CTNNA3: variants seen among roughly 807,000 people sequenced by gnomAD.
CTNNA3 encodes the protein catenin alpha-3.
In CTNNA3, 76 loss-of-function variants were observed where a neutral mutation model predicts 95.7. The observed-to-expected ratio is 0.79, with a 90% CI of 0.66 to 0.96. The LOEUF is 0.96. Ranked by LOEUF, CTNNA3 falls within the 40% of genes least tolerant of loss-of-function variation. CTNNA3 has a pLI of 0.00. For missense variants in CTNNA3, 1,191 were observed against 1,089.8 expected (o/e 1.09, Z -1.31); for synonymous variants, 431 against 374.4 (o/e 1.15, Z -1.74).
At chr10:67,039,452 CAT>C (rs1854265075) in intron 7 of CTNNA3, among the ~76,000 whole-genome samples, 1 of 152,104 alleles carries the variant, frequency 6.6e-6, no homozygotes, top group Non-Finnish European at 1.5e-5. Context: ...TCAAATGAAG[CAT>C]ATGTTGTCAA....
At chr10:67,135,453 A>C (rs1205448440) in intron 7 of CTNNA3, among the ~76,000 whole-genome samples, 2 of 152,158 alleles carry the variant, frequency 1.3e-5, no homozygotes, top group Admixed American at 6.5e-5. Flanking sequence ...GGTTGAAAGG[A>C]TTGTTTCAAG....
At chr10:67,447,923 T>C (rs529666379) in intron 5 of CTNNA3, among the ~76,000 whole-genome samples, 66 of 152,198 alleles carry the variant, frequency 4.3e-4, no homozygotes, top group Non-Finnish European at 8.5e-4. Context: ...TTGTTAATTA[T>C]ACAAAGCAAA....
chr10:66,934,183 A>T (rs1847564306), intron 7 of CTNNA3, among the ~76,000 whole-genome samples: 1 of 152,190 alleles, frequency 6.6e-6, no homozygotes, highest in Non-Finnish European at 1.5e-5. Context: ...TTTTATTGAA[A>T]AAAAAGAAAA....
chr10:66,480,796 G>T (rs150735028), intron 11 of CTNNA3, among the ~76,000 whole-genome samples: 2,311 of 151,976 alleles, frequency 0.015, 49 homozygotes, highest in African/African-American at 0.053. Context: ...TAGTAGAGAT[G>T]GGGTTTCACT....
At chr10:65,944,886 A>ATCTATCTATCTATCTATCTATCTATCTT (rs1380295124) in intron 17 of CTNNA3, among the ~76,000 whole-genome samples, 81 of 138,294 alleles carry the variant, frequency 5.9e-4, no homozygotes, top group African/African-American at 1.9e-3. Context: ...CTATCTATCT[A>ATCTATCTATCTATCTATCTATCTATCTT]TCTATCTATC....
chr10:67,282,655 T>C (rs1329219117), intron 5 of CTNNA3, among the ~76,000 whole-genome samples: 1 of 152,300 alleles, frequency 6.6e-6, no homozygotes, highest in Non-Finnish European at 1.5e-5. Flanking sequence ...GTCTCAGGGG[T>C]ATGGAGCTTT....
intron 5 of CTNNA3, among the ~76,000 whole-genome samples, chr10:67,504,309 C>T (rs1311036611): frequency 2.0e-5 from 3 of 148,568 alleles, no homozygotes; most frequent in East Asian, 2.0e-4. Context: ...AAAAATTGGC[C>T]GGGCGTGATG....
At position 67,518,828 on chromosome 10, in the gene CTNNA3, C is replaced by G. The variant is rs16924556; in HGVS notation, c.579+3014G>C. ...TTGTTATTACCATTCCTATGTCACA[C>G]CAACTAGAAGGATGAAAACCAAGTA... is the stretch of plus-strand genomic sequence containing the variant. On this transcript the variant is annotated intron_variant, in intron 5 of 17. Coordinates refer to ENST00000433211, the MANE Select transcript of CTNNA3 (RefSeq NM_013266.4). Among the ~76,000 whole-genome samples the G allele has an allele frequency of 2.6e-3, 402 of 152,148 alleles. 7 individuals are homozygous for G. Among genetic ancestry groups the G allele is most frequent in the Admixed American group, 0.021 (323 of 15,262 alleles).
intron 7 of CTNNA3, among the ~76,000 whole-genome samples, chr10:66,966,472 G>A (rs1449220881): frequency 3.3e-5 from 4 of 119,848 alleles, no homozygotes; most frequent in South Asian, 3.5e-4. Flanking sequence ...GGGTTAACTC[G>A]GCTATGTAAT....
intron 5 of CTNNA3, among the ~76,000 whole-genome samples, chr10:67,479,168 G>A (rs538528815): frequency 1.2e-4 from 18 of 152,110 alleles, no homozygotes; most frequent in Admixed American, 1.3e-4. Flanking sequence ...CTTCAACATC[G>A]CACTGACAAA....
intron 15 of CTNNA3, among the ~76,000 whole-genome samples, chr10:65,994,393 A>T (rs188915654): frequency 3.7e-4 from 56 of 151,394 alleles, no homozygotes; most frequent in Middle Eastern, 3.4e-3. Flanking sequence ...TAGCTGAAGG[A>T]TCAATTTTGC....
chr10:66,438,145 G>A (rs562144273), intron 11 of CTNNA3, among the ~76,000 whole-genome samples: 2 of 152,316 alleles, frequency 1.3e-5, no homozygotes, highest in African/African-American at 4.8e-5. Context: ...CCCCTGCTGG[G>A]AGGTGTTTCC....
intron 9 of CTNNA3, among the ~76,000 whole-genome samples, chr10:66,749,685 T>TCTA (rs1353038061): frequency 8.5e-5 from 13 of 152,194 alleles, no homozygotes; most frequent in Admixed American, 4.6e-4. Flanking sequence ...ATGTGGAGGT[T>TCTA]CTAGTGTGGA....
intron 13 of CTNNA3, among the ~76,000 whole-genome samples, chr10:66,201,630 G>A (rs76341686): frequency 2.6e-5 from 4 of 151,758 alleles, no homozygotes; most frequent in East Asian, 1.9e-4. Flanking sequence ...TATTTGTTAC[G>A]GTAATACCCT....
At chr10:66,086,425 TA>T (rs1463751256) in intron 14 of CTNNA3, among the ~76,000 whole-genome samples, 1 of 152,136 alleles carries the variant, frequency 6.6e-6, no homozygotes, top group East Asian at 1.9e-4. Flanking sequence ...ATTTTCAAAG[TA>T]AAAGATGAGA....
intron 15 of CTNNA3, among the ~76,000 whole-genome samples, chr10:66,056,009 T>C (rs186322733): frequency 1.6e-4 from 24 of 152,074 alleles, no homozygotes; most frequent in Middle Eastern, 3.4e-3. Flanking sequence ...TTGAATGACT[T>C]TTATTTCTTT....
At chr10:67,240,380 C>T (rs12255723) in intron 5 of CTNNA3, among the ~76,000 whole-genome samples, 32,594 of 152,032 alleles carry the variant, frequency 0.21, 4,152 homozygotes, top group African/African-American at 0.35. Context: ...ATTTAATGTT[C>T]TTGGCCAACT....
At chr10:66,867,239 A>G (rs987881004) in intron 7 of CTNNA3, among the ~76,000 whole-genome samples, 18 of 152,210 alleles carry the variant, frequency 1.2e-4, no homozygotes, top group African/African-American at 4.1e-4. Flanking sequence ...TCTCTCTGAA[A>G]CAACTCAAAA....
At chr10:67,721,615 C>A (rs1321288103) in intron 1 of CTNNA3, among the ~76,000 whole-genome samples, 2 of 152,034 alleles carry the variant, frequency 1.3e-5, no homozygotes, top group Admixed American at 1.3e-4. Context: ...GCTCCTTTAG[C>A]TTGAAGGAGT....
Sources: allele counts gnomAD v4.1 joint callset (sites outside exome capture counted in the v4.1 genomes callset), GRCh38; gene constraint gnomAD v4.1.1; transcripts MANE v1.5; gene names NCBI Gene and HGNC (gene_info 2026-07-23, HGNC 2026-07-21).